LBP: variants seen among roughly 807,000 people sequenced by gnomAD.
LBP encodes the protein lipopolysaccharide-binding protein.
LBP carries 53 observed loss-of-function variants against 56.6 expected under a neutral mutation model. The observed-to-expected ratio is 0.94, with a 90% CI of 0.75 to 1.18. The LOEUF (loss-of-function observed/expected upper bound fraction) is 1.18. Ranked by LOEUF, LBP falls within the 50% of genes most tolerant of loss-of-function variation. The pLI is 0.00. For missense variants in LBP, 601 were observed against 598.3 expected, an observed-to-expected ratio of 1.00 and a Z score of -0.05; for synonymous variants, 227 against 247.5, an observed-to-expected ratio of 0.92 and a Z score of 0.78.
At position 38,368,918 on chromosome 20, in the gene LBP, A is replaced by T. The variant is rs758522760; in HGVS notation, c.982-77A>T. The stretch of plus-strand genomic sequence containing the variant: ...TCAATCGAAAGCAACTTCCAGCTTT[A>T]TCTGACTCCCTCAGGCCTCTCCTGG... On this transcript the variant is annotated intron_variant, in intron 9 of 14. Coordinates refer to ENST00000217407, the MANE Select transcript of LBP (RefSeq NM_004139.5). The T allele has an allele frequency of 1.2e-5, 17 of 1,434,610 alleles. No homozygotes were observed. The Middle Eastern group carries it at 7.1e-4, about 60-fold the overall frequency. 88.9% of individuals were successfully genotyped at this position (1,434,610 alleles called of 1,614,324 possible).
intron 14 of LBP, among the ~76,000 whole-genome samples, chr20:38,375,310 C>T (rs939926375): frequency 6.6e-5 from 10 of 150,868 alleles, no homozygotes; most frequent in East Asian, 2.0e-4. Context: ...AGGCCAGGAG[C>T]GGTGGTTCAT....
At chr20:38,350,682 A>C in intron 2 of LBP, 129 bp from the exon 3 acceptor site, 1 of 1,013,008 alleles carries the variant, frequency 9.9e-7, no homozygotes, top group South Asian at 1.8e-5. Flanking sequence ...TGCCTGGGGC[A>C]CAGCAGGTGC....
chr20:38,360,259 C>CAAA (rs11478545), intron 5 of LBP, among the ~76,000 whole-genome samples: 1 of 118,442 alleles, frequency 8.4e-6, no homozygotes, highest in Non-Finnish European at 1.8e-5. Context: ...GACTCCATCT[C>CAAA]AAAAAAAAAA....
At chr20:38,372,042 G>GA (rs1301756692) in intron 12 of LBP, among the ~76,000 whole-genome samples, 1 of 152,232 alleles carries the variant, frequency 6.6e-6, no homozygotes, top group Non-Finnish European at 1.5e-5. Context: ...AAGAGGGATT[G>GA]AGTGCTGAGC....
chr20:38,356,119 CCA>C (rs2076838099), intron 5 of LBP, among the ~76,000 whole-genome samples: 1 of 121,010 alleles, frequency 8.3e-6, no homozygotes, highest in Non-Finnish European at 1.8e-5. Context: ...CACACACACA[CCA>C]CACACACATC....
intron 10 of LBP, 78 bp downstream of exon 10, chr20:38,369,240 C>A: frequency 7.3e-7 from 1 of 1,371,504 alleles, no homozygotes; most frequent in South Asian, 1.4e-5. Flanking sequence ...CTTTTCTCCC[C>A]ACTCACCACC....
At position 38,366,772 on chromosome 20, in the gene LBP, C is replaced by T. The variant is rs1437019495; in HGVS notation, c.925C>T (p.Pro309Ser). Residue 309 changes from proline to serine, a missense_variant, in exon 9 of 15, where the codon CCG (proline) becomes TCG (serine). Pro to Ser is a moderately conservative substitution (Grantham distance 74). Transcript: ENST00000217407. Reference sequence around the variant, plus strand: ...TCTTCATGTCTCTTTGCTGCAGATACCGCCTGACTCTAATATCCGACTGAC... The same window carrying T: ...TCTTCATGTCTCTTTGCTGCAGATATCGCCTGACTCTAATATCCGACTGAC... ...LNFSITDDMI[P>S]PDSNIRLTTK... The T allele has an allele frequency of 1.5e-5, 24 of 1,614,102 alleles. No individual in the cohort carries two copies. The highest frequency in any genetic ancestry group is 1.8e-5 in the Non-Finnish European group (21 of 1,180,000).
rs952771487 is a variant in LBP, at chr20:38,351,016, C to G, written c.368+77C>G. 1.7e-4 allele frequency: 268 copies of G among 1,546,054 alleles called. 2 individuals are homozygous for G. In the Admixed American group the frequency reaches 4.8e-3, roughly 27 times the overall value. On this transcript the variant is annotated intron_variant, in intron 3 of 14. Transcript: ENST00000217407. The stretch of plus-strand genomic sequence containing the variant: ...CCATCCTTCTTAGGTCCAAGGTGTT[C>G]CTAGCTTATCAGAAAGGCCACGTGA...
chr20:38,357,427 A>T (rs2076845211), intron 5 of LBP, among the ~76,000 whole-genome samples: 1 of 152,168 alleles, frequency 6.6e-6, no homozygotes, highest in African/African-American at 2.4e-5. Flanking sequence ...GGCCTTTCTA[A>T]TTCCCCACTC....
chr20:38,349,124 A>G (rs949788556), intron 1 of LBP, among the ~76,000 whole-genome samples: 1 of 152,186 alleles, frequency 6.6e-6, no homozygotes, highest in African/African-American at 2.4e-5. Flanking sequence ...TATTTGACAG[A>G]TGAACAAAGT....
intron 3 of LBP, among the ~76,000 whole-genome samples, chr20:38,352,358 T>C (rs2076823324): frequency 6.6e-6 from 1 of 152,214 alleles, no homozygotes; most frequent in East Asian, 1.9e-4. Context: ...CCACCAGCCA[T>C]GCCTTTACTG....
At chr20:38,359,477 GA>G (rs2122607935) in intron 5 of LBP, among the ~76,000 whole-genome samples, 1 of 152,212 alleles carries the variant, frequency 6.6e-6, no homozygotes, top group South Asian at 2.1e-4. Flanking sequence ...AGCTACTTAG[GA>G]AGCTGAGGTA....
intron 5 of LBP, 58 bp downstream of exon 5, chr20:38,355,467 C>T (rs2076835643): frequency 6.9e-7 from 1 of 1,459,630 alleles, no homozygotes; most frequent in Non-Finnish European, 9.6e-7. Context: ...AATGGAAGAC[C>T]TCACTGACCA....
At position 38,346,496 on chromosome 20, in the gene LBP, C is replaced by A; in HGVS notation, c.-21C>A. ...AATCCACAGCTGGGACAGTCCTGGC[C>A]CACTGCACTGGGAATCTAGGATGGG... On this transcript the variant is annotated 5_prime_UTR_variant, in exon 1 of 15. Coordinates refer to ENST00000217407, the MANE Select transcript of LBP (RefSeq NM_004139.5). 6.2e-7 allele frequency: 1 copy of A among 1,612,952 alleles called. No homozygotes were observed. Among genetic ancestry groups the A allele is most frequent in the Non-Finnish European group, 8.5e-7 (1 of 1,179,706 alleles).
intron 8 of LBP, among the ~76,000 whole-genome samples, chr20:38,366,272 C>A (rs570586525): frequency 6.6e-6 from 1 of 152,086 alleles, no homozygotes; most frequent in African/African-American, 2.4e-5. Context: ...CTTCTGGCAT[C>A]GTGTTTGGTT....
chr20:38,350,183 A>G (rs1167774721), intron 2 of LBP, among the ~76,000 whole-genome samples: 2 of 152,156 alleles, frequency 1.3e-5, no homozygotes, highest in African/African-American at 2.4e-5. Context: ...AGAAACGACA[A>G]TCAGACTCGT....
intron 3 of LBP, 39 bp from the exon 4 acceptor site, chr20:38,354,245 G>T: frequency 6.3e-7 from 1 of 1,580,124 alleles, no homozygotes; most frequent in Non-Finnish European, 8.6e-7. Context: ...GCAGACCCCT[G>T]GTCTAGGAAC....
In LBP at chr20:38,354,456, G is replaced by T. The variant is rs1297129503; in HGVS notation, c.524+17G>T. ...AGACTTGGGGTAGGTCTCCATCGGG[G>T]CACTGCCAGCTGGACTCCTGGTTGC... is the stretch of plus-strand genomic sequence containing the variant. On this transcript the variant is annotated intron_variant, in intron 4 of 14. Transcript: ENST00000217407. The T allele has an allele frequency of 6.3e-7, 1 of 1,597,600 alleles. No homozygotes were observed. Among genetic ancestry groups the T allele is most frequent in the Non-Finnish European group, 8.5e-7 (1 of 1,170,814 alleles).
intron 9 of LBP, among the ~76,000 whole-genome samples, chr20:38,367,788 A>G (rs2076887377): frequency 6.6e-6 from 1 of 152,204 alleles, no homozygotes; most frequent in African/African-American, 2.4e-5. Flanking sequence ...CAAAAGGTTC[A>G]TGGGAGTGCT....
Sources: gnomAD v4.1 joint callset for allele counts (sites outside exome capture counted in the v4.1 genomes callset) on GRCh38, gnomAD v4.1.1 for gene constraint, MANE v1.5 for transcripts, NCBI Gene and HGNC (gene_info 2026-07-23, HGNC 2026-07-21) for gene names.